The following CACNA2D1 variants were observed in gnomAD, a reference collection of about 807,000 sequenced individuals.
CACNA2D1 encodes the protein calcium voltage-gated channel auxiliary subunit alpha2delta 1.
In CACNA2D1, 53 loss-of-function variants were observed where a neutral mutation model predicts 171.5. That is an observed-to-expected ratio of 0.31 (90% CI 0.25 to 0.39). The LOEUF is 0.39. Ranked by LOEUF, CACNA2D1 falls within the 10% of genes least tolerant of loss-of-function variation. CACNA2D1 has a pLI of 1.00. For missense variants in CACNA2D1, 903 were observed against 1,299.8 expected (o/e 0.69, Z 4.69); for synonymous variants, 442 against 443.1 (o/e 1.00, Z 0.03).
intron 5 of CACNA2D1, among the ~76,000 whole-genome samples, chr7:82,128,642 A>C (rs1175908201): frequency 6.6e-6 from 1 of 152,198 alleles, no homozygotes; most frequent in Non-Finnish European, 1.5e-5. Context: ...TTCTTTCTAC[A>C]CAAACATGAT....
chr7:81,968,543 A>G (rs190032721), intron 29 of CACNA2D1, among the ~76,000 whole-genome samples: 1 of 151,380 alleles, frequency 6.6e-6, no homozygotes, highest in East Asian at 1.9e-4. Context: ...TGGCCATATA[A>G]CTTTGTACGT....
intron 3 of CACNA2D1, among the ~76,000 whole-genome samples, chr7:82,227,550 C>T (rs1328738561): frequency 6.6e-6 from 1 of 152,156 alleles, no homozygotes; most frequent in Non-Finnish European, 1.5e-5. Context: ...TCTGGATAAA[C>T]ATGTCCCTAG....
At chr7:82,107,294 C>T (rs544960440) in intron 6 of CACNA2D1, among the ~76,000 whole-genome samples, 4 of 152,064 alleles carry the variant, frequency 2.6e-5, no homozygotes, top group Admixed American at 6.6e-5. Flanking sequence ...TGTGTGTTGC[C>T]TGGGTCAAAG....
At chr7:82,301,314 C>T (rs1301576212) in intron 3 of CACNA2D1, among the ~76,000 whole-genome samples, 2 of 151,976 alleles carry the variant, frequency 1.3e-5, no homozygotes, top group African/African-American at 2.4e-5. Flanking sequence ...TTAGTAGAGA[C>T]GGGGTTTCTC....
At chr7:82,038,367 G>T in intron 10 of CACNA2D1, 132 bp from the exon 11 acceptor site, 1 of 743,378 alleles carries the variant, frequency 1.3e-6, no homozygotes, top group Non-Finnish European at 2.2e-6. Context: ...TGAGTAGGCT[G>T]GTGACAAAGG....
chr7:82,329,794 G>C (rs952388575), intron 3 of CACNA2D1, among the ~76,000 whole-genome samples: 1 of 152,008 alleles, frequency 6.6e-6, no homozygotes, highest in African/African-American at 2.4e-5. Context: ...TCATTTAGCA[G>C]ACACATCTTG....
At chr7:81,958,709 C>G in intron 38 of CACNA2D1, among the ~76,000 whole-genome samples, 1 of 151,602 alleles carries the variant, frequency 6.6e-6, no homozygotes, top group East Asian at 1.9e-4. Context: ...TGTAATTGAC[C>G]TGGTCTAGTT....
At chr7:82,245,676 A>ACATACACACACT (rs1554479420) in intron 3 of CACNA2D1, among the ~76,000 whole-genome samples, 2 of 146,006 alleles carry the variant, frequency 1.4e-5, no homozygotes, top group African/African-American at 2.6e-5. Context: ...ACACACACAC[A>ACATACACACACT]CACACACACA....
chr7:82,217,514 GT>G (rs923297614), intron 3 of CACNA2D1, among the ~76,000 whole-genome samples: 21 of 144,268 alleles, frequency 1.5e-4, no homozygotes, highest in South Asian at 1.1e-3. Context: ...CAACTAAAAA[GT>G]TTTTTTTTAA....
rs1182565124 is a variant in CACNA2D1, at chr7:82,111,455, T to A, written c.526+5589A>T. On this transcript the variant is annotated intron_variant, in intron 6 of 38. Coordinates refer to ENST00000356860, the MANE Select transcript of CACNA2D1 (RefSeq NM_000722.4). ...ATATATATATATATATTTTTTTTTT[T>A]TTTTTTTTTTGAGACAGGGTCTCAC... is the stretch of plus-strand genomic sequence containing the variant. Among the ~76,000 whole-genome samples the A allele has an allele frequency of 2.1e-5, 3 of 139,996 alleles. 1 individual carries two copies. The highest frequency in any genetic ancestry group is 7.9e-5 in the African/African-American group (3 of 37,814). 91.8% of individuals were successfully genotyped at this position (139,996 alleles called of 152,430 possible). A position where few individuals can be genotyped will look rare whatever the true frequency, so the allele number is the denominator to read the frequency against.
At chr7:82,090,903 G>T (rs1048698061) in intron 6 of CACNA2D1, among the ~76,000 whole-genome samples, 3 of 151,868 alleles carry the variant, frequency 2.0e-5, no homozygotes, top group African/African-American at 7.3e-5. Flanking sequence ...TATAAATAAG[G>T]TAGTCATTTA....
intron 1 of CACNA2D1, among the ~76,000 whole-genome samples, chr7:82,354,563 C>T (rs1468583484): frequency 6.6e-6 from 1 of 152,138 alleles, no homozygotes; most frequent in Non-Finnish European, 1.5e-5. Context: ...TTACTTACTG[C>T]TCTCTATTTC....
chr7:82,018,128 T>C (rs1191852178), intron 12 of CACNA2D1, among the ~76,000 whole-genome samples: 1 of 152,168 alleles, frequency 6.6e-6, no homozygotes, highest in African/African-American at 2.4e-5. Context: ...ACACAAGACA[T>C]ATACAGTAAC....
chr7:82,069,402 G>T (rs1808046184), intron 7 of CACNA2D1, among the ~76,000 whole-genome samples: 1 of 152,180 alleles, frequency 6.6e-6, no homozygotes, highest in African/African-American at 2.4e-5. Context: ...GAAAATGACA[G>T]TTCACAATGT....
chr7:82,144,634 C>G (rs1483277579), intron 4 of CACNA2D1, among the ~76,000 whole-genome samples: 3 of 132,898 alleles, frequency 2.3e-5, no homozygotes, highest in African/African-American at 7.9e-5. Flanking sequence ...CTATATAAAG[C>G]ATTTTAATAT....
At position 82,066,502 on chromosome 7, in the gene CACNA2D1, A is replaced by G; in HGVS notation, c.681T>C (p.Ser227=). The change falls in exon 8 of 39, where the codon AGT becomes AGC. Residue 227 remains serine (S), a synonymous_variant. Transcript: ENST00000356860. ...YYPASPWVDN[S]RTPNKIDLYD... ...AAAGGTCAATCTTATTTGGAGTTCT[A>G]CTATTATCAACCCATGGTGAAGCTA... is the stretch of plus-strand genomic sequence containing the variant. 1 of 1,605,974 alleles carries G rather than the reference A, an allele frequency of 6.2e-7. No individual in the cohort carries two copies. Among genetic ancestry groups the G allele is most frequent in the Non-Finnish European group, 8.5e-7 (1 of 1,177,772 alleles).
At chr7:82,282,516 T>A (rs761568696) in intron 3 of CACNA2D1, among the ~76,000 whole-genome samples, 1 of 152,098 alleles carries the variant, frequency 6.6e-6, no homozygotes, top group South Asian at 2.1e-4. Context: ...GGCAGGAAGG[T>A]TAGCAGGATT....
chr7:82,105,677 A>T (rs758570552), intron 6 of CACNA2D1, among the ~76,000 whole-genome samples: 1 of 152,078 alleles, frequency 6.6e-6, no homozygotes, highest in African/African-American at 2.4e-5. Context: ...GTCACTGCCA[A>T]TGTATTTCCA....
intron 4 of CACNA2D1, among the ~76,000 whole-genome samples, chr7:82,156,057 T>G (rs1361450801): frequency 6.6e-6 from 1 of 152,308 alleles, no homozygotes; most frequent in Middle Eastern, 3.4e-3. Flanking sequence ...AATGAATTTT[T>G]ATATCACCAT....
Sources: gnomAD v4.1 joint callset for allele counts (sites outside exome capture counted in the v4.1 genomes callset) on GRCh38, gnomAD v4.1.1 for gene constraint, MANE v1.5 for transcripts, NCBI Gene and HGNC (gene_info 2026-07-23, HGNC 2026-07-21) for gene names.